SPICE1: variants seen among roughly 807,000 people sequenced by gnomAD.
The protein encoded by SPICE1 is spindle and centriole-associated protein 1.
SPICE1 carries 75 observed loss-of-function variants against 102.7 expected under a neutral mutation model. The ratio of observed to expected loss-of-function variants is 0.73; its 90% CI spans 0.61 to 0.88. The LOEUF (loss-of-function observed/expected upper bound fraction) is 0.88, where lower values mean the gene tolerates loss of function less well. SPICE1 is among the 40% of genes least tolerant of loss of function. The pLI is 0.00. For missense variants in SPICE1, 979 were observed against 1,020.1 expected, an observed-to-expected ratio of 0.96 and a Z score of 0.55; for synonymous variants, 308 against 350.3, an observed-to-expected ratio of 0.88 and a Z score of 1.35.
chr3:113,456,234 A>C (rs1004110407), intron 13 of SPICE1, among the ~76,000 whole-genome samples: 1 of 152,214 alleles, frequency 6.6e-6, no homozygotes. Context: ...AACATACATC[A>C]AAGTGCAGAA....
At chr3:113,492,279 G>A (rs1213279324) in intron 6 of SPICE1, among the ~76,000 whole-genome samples, 1 of 152,026 alleles carries the variant, frequency 6.6e-6, no homozygotes, top group Non-Finnish European at 1.5e-5. Context: ...TATGATTCTG[G>A]ACCTTGCAAC....
chr3:113,489,305 C>T (rs1226061152), intron 6 of SPICE1, among the ~76,000 whole-genome samples: 1 of 152,100 alleles, frequency 6.6e-6, no homozygotes, highest in African/African-American at 2.4e-5. Flanking sequence ...AAGCCTCTCC[C>T]ATCTTAACCT....
intron 6 of SPICE1, among the ~76,000 whole-genome samples, chr3:113,489,751 G>A (rs1164894659): frequency 5.3e-5 from 8 of 151,096 alleles, no homozygotes; most frequent in Non-Finnish European, 8.8e-5. Flanking sequence ...GGAGGCTGAG[G>A]AGGGAGAATA....
chr3:113,463,903 C>A (rs1341571469), intron 11 of SPICE1, among the ~76,000 whole-genome samples: 1 of 152,106 alleles, frequency 6.6e-6, no homozygotes, highest in African/African-American at 2.4e-5. Flanking sequence ...CTCATCTCTG[C>A]TAAAAATACA....
intron 2 of SPICE1, among the ~76,000 whole-genome samples, chr3:113,506,144 T>C (rs193170471): frequency 3.2e-4 from 49 of 152,276 alleles, no homozygotes; most frequent in Admixed American, 2.2e-3. Context: ...TGAGCAAACC[T>C]AAAAAAGGTA....
At chr3:113,503,028 A>T (rs1937038864) in intron 3 of SPICE1, 152 bp downstream of exon 3, 2 of 690,768 alleles carry the variant, frequency 2.9e-6, no homozygotes, top group Non-Finnish European at 4.8e-6. Context: ...GAAGTCCAGA[A>T]GATAGGCGTT....
At position 113,514,969 on chromosome 3, in the gene SPICE1, C is replaced by T. The variant is rs1456864325; in HGVS notation, c.-73G>A. ...ATTCCCCAACCGGGCGCCTGGATCC[C>T]AGGCAACAGACAGATGCCACCACCG... On this transcript the variant is annotated 5_prime_UTR_variant, in exon 1 of 18. Coordinates refer to ENST00000295872, the MANE Select transcript of SPICE1 (RefSeq NM_144718.4). 1 of 710,490 alleles carries T rather than the reference C, an allele frequency of 1.4e-6. No individual in the cohort carries two copies. The allele number at this position is 710,490 out of a possible 1,614,324, so 44.0% of individuals were successfully genotyped here. A position where few individuals can be genotyped will look rare whatever the true frequency, so the allele number is the denominator to read the frequency against.
chr3:113,474,066 G>A (rs1409217504), intron 7 of SPICE1, among the ~76,000 whole-genome samples: 11 of 151,952 alleles, frequency 7.2e-5, no homozygotes, highest in Admixed American at 3.3e-4. Flanking sequence ...GACACACATA[G>A]GCTCAAAATA....
chr3:113,459,993 C>A (rs1162732837), intron 12 of SPICE1: 1 of 985,206 alleles, frequency 1.0e-6, no homozygotes, highest in Non-Finnish European at 1.2e-6. Context: ...TTCTTAGAAT[C>A]CATCCTAAGA....
In SPICE1 at chr3:113,465,703, C is replaced by T. The variant is rs941394887; in HGVS notation, c.1237G>A (p.Ala413Thr). The T allele has an allele frequency of 7.4e-6, 12 of 1,613,778 alleles. No homozygotes were observed. The highest frequency in any genetic ancestry group is 1.0e-5 in the Non-Finnish European group (12 of 1,179,888). ...VLGDHRELID[A>T]LTAEILRLRE... ...AGACGAAGAATTTCAGCTGTCAGAGCATCAATGAGCTCTCGATGATCACCT... is the reference window on the plus strand; with the variant it reads ...AGACGAAGAATTTCAGCTGTCAGAGTATCAATGAGCTCTCGATGATCACCT... Residue 413 changes from alanine (A) to threonine (T), a missense_variant, in exon 11 of 18, where the codon GCT becomes ACT. Coordinates refer to ENST00000295872, the MANE Select transcript of SPICE1 (RefSeq NM_144718.4).
intron 7 of SPICE1, among the ~76,000 whole-genome samples, chr3:113,482,430 A>C (rs1054952537): frequency 1.3e-5 from 2 of 152,102 alleles, no homozygotes; most frequent in Non-Finnish European, 2.9e-5. Flanking sequence ...CTCTTTGTCA[A>C]TTTTGGCTTT....
chr3:113,446,444 A>G (rs1444008085), intron 17 of SPICE1, 145 bp downstream of exon 17: 1 of 683,908 alleles, frequency 1.5e-6, no homozygotes, highest in Non-Finnish European at 2.5e-6. Context: ...TTTTCCTAAA[A>G]AGGTAAATTA....
At chr3:113,468,689 T>C (rs915612559) in intron 9 of SPICE1, 73 bp downstream of exon 9, 4 of 1,490,448 alleles carry the variant, frequency 2.7e-6, no homozygotes, top group Admixed American at 2.2e-5. Context: ...GAGAAAAACA[T>C]TGACTAAGAG....
intron 8 of SPICE1, 88 bp downstream of exon 8, chr3:113,469,011 C>T (rs750384901): frequency 8.3e-5 from 130 of 1,560,598 alleles, no homozygotes; most frequent in Non-Finnish European, 1.0e-4. Context: ...GCAGTCAAAA[C>T]TCAAATAACA....
At chr3:113,471,463 C>T (rs1936196655) in intron 7 of SPICE1, among the ~76,000 whole-genome samples, 1 of 152,150 alleles carries the variant, frequency 6.6e-6, no homozygotes, top group African/African-American at 2.4e-5. Context: ...AAATTCTCTT[C>T]CAGAGCAGCT....
intron 7 of SPICE1, among the ~76,000 whole-genome samples, chr3:113,471,490 T>G (rs574183563): frequency 7.2e-5 from 11 of 152,046 alleles, no homozygotes; most frequent in Non-Finnish European, 1.6e-4. Flanking sequence ...CTGGAGGGAG[T>G]GTGGCCCTAC....
chr3:113,490,039 A>T (rs562958120), intron 6 of SPICE1, among the ~76,000 whole-genome samples: 1 of 152,060 alleles, frequency 6.6e-6, no homozygotes, highest in Non-Finnish European at 1.5e-5. Flanking sequence ...GTAAGCACTC[A>T]ATAAATTTTA....
rs563250776 is a variant in SPICE1, at chr3:113,460,243, T to C, written c.1435+374A>G. The C allele has an allele frequency of 5.4e-4, 534 of 983,970 alleles. 5 individuals are homozygous for C. In the South Asian group the frequency reaches 0.02, roughly 37 times the overall value. 61.0% of individuals were successfully genotyped at this position (983,970 alleles called of 1,614,324 possible). A position where few individuals can be genotyped will look rare whatever the true frequency, so the allele number is the denominator to read the frequency against. On this transcript the variant is annotated intron_variant, in intron 12 of 17. Coordinates refer to ENST00000295872, the MANE Select transcript of SPICE1 (RefSeq NM_144718.4). ...CTCTTCTAAATCTAGAGCACTGGGA[T>C]TAAAAGTGCTAGCACTCTCTTTGGT...
At chr3:113,458,758 G>C (rs867851459) in intron 12 of SPICE1, among the ~76,000 whole-genome samples, 1 of 151,702 alleles carries the variant, frequency 6.6e-6, no homozygotes, top group African/African-American at 2.4e-5. Context: ...ATCCCGTCTA[G>C]GAAGTGAGGA....
Sources: gnomAD v4.1 joint callset for allele counts (sites outside exome capture counted in the v4.1 genomes callset) on GRCh38, gnomAD v4.1.1 for gene constraint, MANE v1.5 for transcripts, NCBI Gene and HGNC (gene_info 2026-07-23, HGNC 2026-07-21) for gene names.